Variants in YTHDF1 observed in about 807,000 individuals in gnomAD.
The protein encoded by YTHDF1 is YTH domain-containing family protein 1.
A neutral mutation model predicts 49.1 loss-of-function variants in YTHDF1; 16 were observed. That is an observed-to-expected ratio of 0.33 (90% CI 0.22 to 0.49). YTHDF1 has a LOEUF of 0.49. YTHDF1 is among the 20% of genes least tolerant of loss of function. The probability of loss-of-function intolerance (pLI) is 0.99; values close to 1 mark genes in which losing one functional copy is unlikely to be tolerated. For synonymous variants in YTHDF1, 313 were observed against 290.1 expected, an observed-to-expected ratio of 1.08 and a Z score of -0.80; for missense variants, 621 against 744.3, an observed-to-expected ratio of 0.83 and a Z score of 1.93.
intron 3 of YTHDF1, among the ~76,000 whole-genome samples, chr20:63,210,870 T>TCC (rs2066570634): frequency 6.7e-6 from 1 of 148,990 alleles, no homozygotes; most frequent in Admixed American, 6.6e-5. Flanking sequence ...CTCCCCCAAC[T>TCC]CCCATTCAAG....
intron 3 of YTHDF1, among the ~76,000 whole-genome samples, chr20:63,211,027 C>A (rs927081351): frequency 6.6e-6 from 1 of 152,240 alleles, no homozygotes; most frequent in African/African-American, 2.4e-5. Flanking sequence ...CAACCCCTCA[C>A]AGCCCATTAC....
chr20:63,207,299 C>A (rs1350597312), intron 3 of YTHDF1, among the ~76,000 whole-genome samples: 1 of 152,022 alleles, frequency 6.6e-6, no homozygotes. Context: ...AAACCCCCCT[C>A]TCTACTAAAA....
chr20:63,203,215 G>C lies in YTHDF1; in HGVS notation c.725C>G (p.Ala242Gly). ...TSWAAIASKP[A>G]KPQPKMKTKS... ...TGTTTTCATTTTAGGCTGTGGTTTTGCAGGCTTGCTGGCAATGGCAGCCCA... is the reference window on the plus strand; with the variant it reads ...TGTTTTCATTTTAGGCTGTGGTTTTCCAGGCTTGCTGGCAATGGCAGCCCA... Residue 242 changes from alanine (A) to glycine (G), a missense_variant, in exon 4 of 5, where the codon GCA becomes GGA. By Grantham distance (60) the Ala-to-Gly change is moderately conservative (BLOSUM62 0). Around this residue, in one of 2 missense-constraint regions of YTHDF1, gnomAD observed 470 missense variants for 495.8 expected, o/e 0.95. Transcript: ENST00000370339. This position sits in a 1 kb window ranked among gnomAD's most constrained non-coding sequence, Gnocchi z 4.4. 1 of 1,614,018 alleles carries C rather than the reference G, an allele frequency of 6.2e-7. No homozygotes were observed. Among genetic ancestry groups the C allele is most frequent in the Non-Finnish European group, 8.5e-7 (1 of 1,180,046 alleles).
At chr20:63,197,990 C>T (rs937610377) in intron 4 of YTHDF1, among the ~76,000 whole-genome samples, 1 of 152,042 alleles carries the variant, frequency 6.6e-6, no homozygotes, top group Non-Finnish European at 1.5e-5. Flanking sequence ...TTCCCTGTCC[C>T]GAGAAGGCTC....
intron 3 of YTHDF1, among the ~76,000 whole-genome samples, chr20:63,212,277 G>T (rs982771985): frequency 2.0e-5 from 3 of 152,218 alleles, no homozygotes; most frequent in African/African-American, 7.2e-5. Flanking sequence ...GGCTCCACCT[G>T]TACAAGGTTT....
At chr20:63,208,249 AAAAC>A (rs1249067863) in intron 3 of YTHDF1, among the ~76,000 whole-genome samples, 2 of 152,294 alleles carry the variant, frequency 1.3e-5, no homozygotes, top group Admixed American at 6.5e-5. Flanking sequence ...TTGCTTAATA[AAAAC>A]AAACAAACAA....
At chr20:63,198,933 T>A (rs1601230070) in intron 4 of YTHDF1, among the ~76,000 whole-genome samples, 1 of 152,218 alleles carries the variant, frequency 6.6e-6, no homozygotes, top group African/African-American at 2.4e-5. Flanking sequence ...AAAAAATGTA[T>A]CAACCCAGGA....
At position 63,210,746 on chromosome 20, in the gene YTHDF1, C is replaced by T. The variant is rs552249667; in HGVS notation, c.132+3118G>A. Among the ~76,000 whole-genome samples the T allele has an allele frequency of 3.9e-5, 6 of 152,162 alleles. No homozygotes were observed. The East Asian group carries it at 1.2e-3, about 29-fold the overall frequency. On this transcript the variant is annotated intron_variant, in intron 3 of 4. Coordinates refer to ENST00000370339, the MANE Select transcript of YTHDF1 (RefSeq NM_017798.4). Reference sequence around the variant, plus strand: ...GAGGCTGCAGTGAGCTGAGATCGCGCCACTGCACTCCATCCTGGGCAACAA... The same window carrying T: ...GAGGCTGCAGTGAGCTGAGATCGCGTCACTGCACTCCATCCTGGGCAACAA...
Position 63,198,736 on chromosome 20 carries a change from A to G in YTHDF1, c.1654-2002T>C, listed in dbSNP as rs550378132. On this transcript the variant is annotated intron_variant, in intron 4 of 4. Coordinates refer to ENST00000370339, the MANE Select transcript of YTHDF1 (RefSeq NM_017798.4). ...CTAAGATTCTCTATGCTCTTTCTTA[A>G]TTTCCAAAGTCAAAGAGCCACTCTG... Among the ~76,000 whole-genome samples the G allele has an allele frequency of 9.4e-4, 143 of 152,166 alleles. 1 individual carries two copies. The highest frequency in any genetic ancestry group is 3.4e-3 in the African/African-American group (142 of 41,524).
chr20:63,215,856 G>A lies in YTHDF1; in HGVS notation c.27+10C>T, dbSNP rs1218490753. 5 of 1,456,382 alleles carry A rather than the reference G, an allele frequency of 3.4e-6. No homozygotes were observed. In the African/African-American group the frequency reaches 4.4e-5, roughly 13 times the overall value. 90.2% of individuals were successfully genotyped at this position (1,456,382 alleles called of 1,614,324 possible). ...CCCCGGCCGCGGCCCCTGTAACCCG[G>A]CCCCGCTACCTGGGTGTCCACGCTG... is the stretch of plus-strand genomic sequence containing the variant. On this transcript the variant is annotated intron_variant, in intron 1 of 4. Coordinates refer to ENST00000370339, the MANE Select transcript of YTHDF1 (RefSeq NM_017798.4).
Position 63,202,295 on chromosome 20 carries a change from C to G in YTHDF1, c.1645G>C (p.Val549Leu), listed in dbSNP as rs1237825697. Residue 549 changes from valine (V) to leucine (L), a missense_variant, in exon 4 of 5, where the codon GTG becomes CTG. Coordinates refer to ENST00000370339, the MANE Select transcript of YTHDF1 (RefSeq NM_017798.4). ...GCAACACCCAGCCTCACCTTGCGCA[C>G]CACCTCCTCCTCCTCCTGGCGCTTC... ...YEKRQEEEEVVRKERQSRNKQ is the reference protein window; with the variant it reads ...YEKRQEEEEVLRKERQSRNKQ 10 of 1,611,956 alleles carry G rather than the reference C, an allele frequency of 6.2e-6. No homozygotes were observed. Among genetic ancestry groups the G allele is most frequent in the Non-Finnish European group, 8.5e-6 (10 of 1,178,544 alleles).
chr20:63,197,712 A>G (rs986769041), intron 4 of YTHDF1, among the ~76,000 whole-genome samples: 2 of 152,152 alleles, frequency 1.3e-5, no homozygotes, highest in African/African-American at 4.8e-5. Flanking sequence ...CCTGCACTCC[A>G]GCCTGGGCAA....
intron 4 of YTHDF1, among the ~76,000 whole-genome samples, chr20:63,198,959 C>T (rs2122971215): frequency 6.6e-6 from 1 of 152,336 alleles, no homozygotes; most frequent in African/African-American, 2.4e-5. Context: ...TCTGACTCTG[C>T]TGCCATAAAA....
At chr20:63,199,301 C>A (rs951712502) in intron 4 of YTHDF1, among the ~76,000 whole-genome samples, 2 of 151,822 alleles carry the variant, frequency 1.3e-5, no homozygotes, top group Non-Finnish European at 2.9e-5. Flanking sequence ...GGGCGGATCA[C>A]GAGGTCAGGA....
Position 63,202,551 on chromosome 20 carries a change from C to T in YTHDF1, c.1389G>A (p.Gly463=), listed in dbSNP as rs1232143432. The T allele has an allele frequency of 6.2e-7, 1 of 1,614,126 alleles. No individual in the cohort carries two copies. Among genetic ancestry groups the T allele is most frequent in the East Asian group, 2.2e-5 (1 of 44,894 alleles). ...KSPVDYGTSA[G]VWSQDKWKGK... is the part of the protein sequence containing the mutation. ...CCTTCCACTTGTCCTGAGACCAGAC[C>T]CCGGCACTGGTGCCGTAGTCCACGG... The change falls in exon 4 of 5, where the codon GGG becomes GGA. Residue 463 remains glycine, a synonymous_variant. Coordinates refer to ENST00000370339, the MANE Select transcript of YTHDF1 (RefSeq NM_017798.4).
chr20:63,215,633 A>C, intron 1 of YTHDF1, 32 bp from the exon 2 acceptor site: 1 of 1,596,748 alleles, frequency 6.3e-7, no homozygotes, highest in Non-Finnish European at 8.5e-7. Flanking sequence ...CGTGGGGTAC[A>C]CACAACCCGG....
intron 4 of YTHDF1, among the ~76,000 whole-genome samples, chr20:63,201,641 T>G (rs2066517877): frequency 6.6e-6 from 1 of 152,222 alleles, no homozygotes; most frequent in African/African-American, 2.4e-5. Context: ...GGATCCATAT[T>G]TGTCATTATA....
At chr20:63,197,509 C>T (rs2066497612) in intron 4 of YTHDF1, among the ~76,000 whole-genome samples, 1 of 152,336 alleles carries the variant, frequency 6.6e-6, no homozygotes, top group South Asian at 2.1e-4. Flanking sequence ...CTAGAAGCCC[C>T]TTCAGTCTCC....
chr20:63,210,523 C>A (rs2066569039), intron 3 of YTHDF1, among the ~76,000 whole-genome samples: 1 of 152,180 alleles, frequency 6.6e-6, no homozygotes, highest in South Asian at 2.1e-4. Flanking sequence ...GTGGCTCATG[C>A]TTGTAATCCC....
Sources: gnomAD v4.1 joint callset for allele counts (sites outside exome capture counted in the v4.1 genomes callset) on GRCh38, gnomAD v4.1.1 for gene constraint, gnomAD v4.1.1 regional missense constraint, Gnocchi (gnomAD v3.1) non-coding constraint, MANE v1.5 for transcripts, NCBI Gene and HGNC (gene_info 2026-07-23, HGNC 2026-07-21) for gene names.